The following ANO2 variants were observed in gnomAD, a reference collection of about 807,000 sequenced individuals.
The protein encoded by ANO2 is anoctamin 2, also known as anoctamin-2.
Under a neutral mutation model 124.2 loss-of-function variants are expected in ANO2, and 101 were observed. The ratio of observed to expected loss-of-function variants is 0.81; its 90% CI spans 0.69 to 0.96. ANO2 has a LOEUF of 0.96. ANO2 is among the 40% of genes least tolerant of loss of function. The probability of loss-of-function intolerance (pLI) is 0.00; values close to 1 mark genes in which losing one functional copy is unlikely to be tolerated. For missense variants in ANO2, 1,293 were observed against 1,274.5 expected (o/e 1.01, Z -0.22); for synonymous variants, 486 against 482.5 (o/e 1.01, Z -0.09).
At chr12:5,923,174 GCACACACACATA>G (rs1565784092) in intron 1 of ANO2, among the ~76,000 whole-genome samples, 115 of 8,916 alleles carry the variant, frequency 0.013, 20 homozygotes, top group Middle Eastern at 0.062. Context: ...ACACACACAC[GCACACACACATA>G]CACACACACG....
intron 3 of ANO2, among the ~76,000 whole-genome samples, chr12:5,896,080 T>C (rs1246188565): frequency 1.3e-5 from 2 of 152,028 alleles, no homozygotes; most frequent in African/African-American, 4.8e-5. Flanking sequence ...GGAGCTAAGC[T>C]ATGAGGACAC....
intron 14 of ANO2, among the ~76,000 whole-genome samples, chr12:5,654,911 A>T (rs539290074): frequency 1.3e-5 from 2 of 152,198 alleles, no homozygotes; most frequent in African/African-American, 4.8e-5. Context: ...CTTCTCAATA[A>T]GATAAGGGAT....
chr12:5,649,676 C>T (rs1946816861), intron 14 of ANO2, among the ~76,000 whole-genome samples: 1 of 152,172 alleles, frequency 6.6e-6, no homozygotes, highest in African/African-American at 2.4e-5. Flanking sequence ...ATGATCTTGG[C>T]TCACTGCAAC....
chr12:5,602,865 G>A (rs1259489215), intron 19 of ANO2, among the ~76,000 whole-genome samples: 1 of 152,192 alleles, frequency 6.6e-6, no homozygotes, highest in African/African-American at 2.4e-5. Context: ...AGAAGACTCT[G>A]CAGAAATGTA....
intron 14 of ANO2, among the ~76,000 whole-genome samples, chr12:5,664,252 C>T (rs1436897877): frequency 6.6e-6 from 1 of 152,114 alleles, no homozygotes; most frequent in Non-Finnish European, 1.5e-5. Context: ...CCCATCCTTC[C>T]ACCCATCCAC....
chr12:5,770,896 C>A (rs1480968307), intron 10 of ANO2, among the ~76,000 whole-genome samples: 3 of 152,188 alleles, frequency 2.0e-5, no homozygotes, highest in Non-Finnish European at 4.4e-5. Flanking sequence ...CATGGTTGTG[C>A]CCTCTTCTCA....
chr12:5,758,521 GGAGAAAT>G (rs1222443064), intron 10 of ANO2, among the ~76,000 whole-genome samples: 1 of 152,212 alleles, frequency 6.6e-6, no homozygotes, highest in East Asian at 1.9e-4. Context: ...GGAGGGGCAT[GGAGAAAT>G]ACCCCATTGT....
At chr12:5,794,941 C>T (rs1211574617) in intron 10 of ANO2, among the ~76,000 whole-genome samples, 1 of 152,212 alleles carries the variant, frequency 6.6e-6, no homozygotes, top group Non-Finnish European at 1.5e-5. Context: ...CCAGCTGTGG[C>T]CTGGCCAGTC....
chr12:5,740,189 T>G (rs999319556), intron 12 of ANO2: 1 of 330,208 alleles, frequency 3.0e-6, no homozygotes, highest in East Asian at 8.1e-5. Flanking sequence ...GGCCTGCTGA[T>G]AGAGCACTCA....
intron 14 of ANO2, 88 bp downstream of exon 14, chr12:5,732,432 G>T: frequency 1.8e-6 from 2 of 1,107,414 alleles, no homozygotes; most frequent in Non-Finnish European, 2.6e-6. Flanking sequence ...CTCAAGCCCA[G>T]TCTCCCTTCA....
In ANO2 at chr12:5,893,470, G is replaced by GT. The variant is rs1355163085; in HGVS notation, c.534+27569dup. 5.3e-3 allele frequency among the ~76,000 whole-genome samples: 798 copies of GT among 150,022 alleles called. 6 individuals are homozygous for GT. Among genetic ancestry groups the GT allele is most frequent in the African/African-American group, 0.019 (774 of 40,896 alleles). On this transcript the variant is annotated intron_variant, in intron 3 of 24. Transcript: ENST00000682330. The stretch of plus-strand genomic sequence containing the variant: ...ATTTCTTTTCTTTATTTTGTATGTA[G>GT]TTTTTTTTCCCTTTTTTTCTTTTTT...
At chr12:5,816,150 C>CTT (rs35287420) in intron 7 of ANO2, among the ~76,000 whole-genome samples, 267 of 146,246 alleles carry the variant, frequency 1.8e-3, no homozygotes, top group East Asian at 9.6e-3. Context: ...CTCTCTCTCT[C>CTT]TTTTTTTTTT....
intron 9 of ANO2, among the ~76,000 whole-genome samples, chr12:5,801,561 A>T (rs565603042): frequency 1.3e-5 from 2 of 152,344 alleles, no homozygotes; most frequent in East Asian, 3.9e-4. Context: ...TAAAGACATG[A>T]TATTAAAATG....
At chr12:5,909,449 G>A (rs891229360) in intron 3 of ANO2, among the ~76,000 whole-genome samples, 7 of 152,202 alleles carry the variant, frequency 4.6e-5, no homozygotes, top group Non-Finnish European at 8.8e-5. Flanking sequence ...AGTACTGTCA[G>A]ATACATAGCT....
At chr12:5,751,154 T>C (rs1306830807) in intron 10 of ANO2, among the ~76,000 whole-genome samples, 184 bp from the exon 11 acceptor site, 1 of 152,192 alleles carries the variant, frequency 6.6e-6, no homozygotes, top group Non-Finnish European at 1.5e-5. Context: ...CAACTGAGCT[T>C]TTCTGGAATG....
intron 11 of ANO2, among the ~76,000 whole-genome samples, chr12:5,748,714 T>C (rs2137088917): frequency 6.6e-6 from 1 of 152,106 alleles, no homozygotes; most frequent in East Asian, 1.9e-4. Context: ...TTCATAAGTA[T>C]TAGCTCTTCC....
At chr12:5,626,184 G>A (rs1945391403) in intron 16 of ANO2, among the ~76,000 whole-genome samples, 1 of 152,108 alleles carries the variant, frequency 6.6e-6, no homozygotes, top group African/African-American at 2.4e-5. Flanking sequence ...TGAGGGCCAG[G>A]GAGGTGAAAT....
chr12:5,922,672 G>A lies in ANO2; in HGVS notation c.155C>T (p.Ser52Phe), dbSNP rs1424629583. Residue 52 changes from serine (S) to phenylalanine (F), a missense_variant, in exon 2 of 25, where the codon TCC becomes TTC. Coordinates refer to ENST00000682330, the MANE Select transcript of ANO2 (RefSeq NM_001364791.2). ...GCAGGGCTGGCCAGGATCTCTGTTG[G>A]AACCGCCCTGCAGACCTGGGGCCCG... The part of the protein sequence containing the change: ...GPRAPGLQGG[S>F]NRDPGQPCGG... 5 of 1,568,620 alleles carry A rather than the reference G, an allele frequency of 3.2e-6. No homozygotes were observed. Among genetic ancestry groups the A allele is most frequent in the Non-Finnish European group, 3.5e-6 (4 of 1,158,844 alleles).
chr12:5,677,479 A>T (rs1237265069), intron 14 of ANO2, among the ~76,000 whole-genome samples: 1 of 152,218 alleles, frequency 6.6e-6, no homozygotes, highest in Non-Finnish European at 1.5e-5. Flanking sequence ...TCTTAGGAAG[A>T]AACAAACTTG....
Sources: allele counts gnomAD v4.1 joint callset (sites outside exome capture counted in the v4.1 genomes callset), GRCh38; gene constraint gnomAD v4.1.1; transcripts MANE v1.5; gene names NCBI Gene and HGNC (gene_info 2026-07-23, HGNC 2026-07-21).